The following NTRK3 variants were observed in gnomAD, a reference collection of about 807,000 sequenced individuals.
NTRK3 encodes NT-3 growth factor receptor.
In NTRK3, 24 loss-of-function variants were observed where a neutral mutation model predicts 91.7. The ratio of observed to expected loss-of-function variants is 0.26; its 90% confidence interval spans 0.19 to 0.37. The LOEUF (loss-of-function observed/expected upper bound fraction) is 0.37. Ranked by LOEUF, NTRK3 falls within the 10% of genes least tolerant of loss-of-function variation. NTRK3 has a pLI of 1.00. For missense variants in NTRK3, 880 were observed against 1,068.9 expected (o/e 0.82, Z 2.46); for synonymous variants, 483 against 404.0 (o/e 1.20, Z -2.34).
chr15:88,060,784 A>C (rs996320363), intron 13 of NTRK3, among the ~76,000 whole-genome samples: 3 of 152,180 alleles, frequency 2.0e-5, no homozygotes, highest in African/African-American at 7.2e-5. Context: ...ATCACCCAGG[A>C]AAGAAAAGAA....
chr15:87,975,420 G>C (rs1028794821), intron 14 of NTRK3, among the ~76,000 whole-genome samples: 17 of 152,176 alleles, frequency 1.1e-4, no homozygotes, highest in Admixed American at 2.6e-4. Context: ...AATCTGTGCA[G>C]CAAAATCCCG....
intron 3 of NTRK3, among the ~76,000 whole-genome samples, chr15:88,197,119 A>AAAC (rs2047904891): frequency 1.4e-5 from 2 of 143,070 alleles, no homozygotes; most frequent in Non-Finnish European, 3.0e-5. Context: ...AAAAAAAAAA[A>AAAC]AAAAAAAACC....
At chr15:88,060,552 G>A (rs571436576) in intron 13 of NTRK3, among the ~76,000 whole-genome samples, 1 of 152,210 alleles carries the variant, frequency 6.6e-6, no homozygotes, top group East Asian at 1.9e-4. Context: ...GGCAAGATAA[G>A]GGGGAGACAG....
intron 13 of NTRK3, among the ~76,000 whole-genome samples, chr15:88,106,579 T>A (rs1055319409): frequency 3.3e-5 from 5 of 151,680 alleles, no homozygotes; most frequent in African/African-American, 1.2e-4. Context: ...GTGAAAAAAA[T>A]AGGTCAAACA....
At chr15:87,887,012 T>G (rs2065593730) in intron 17 of NTRK3, among the ~76,000 whole-genome samples, 2 of 151,814 alleles carry the variant, frequency 1.3e-5, no homozygotes, top group Non-Finnish European at 2.9e-5. Flanking sequence ...TTGATGAAAA[T>G]TTTTCAATAA....
intron 3 of NTRK3, among the ~76,000 whole-genome samples, chr15:88,205,082 A>T (rs528833722): frequency 6.6e-6 from 1 of 152,346 alleles, no homozygotes; most frequent in African/African-American, 2.4e-5. Context: ...TTGGAGAGAA[A>T]GAAGAAAACA....
In NTRK3 at chr15:88,176,563, C is replaced by T. The variant is rs79652288; in HGVS notation, c.395+6855G>A. 2.7e-3 allele frequency among the ~76,000 whole-genome samples: 413 copies of T among 152,282 alleles called. 7 individuals are homozygous for T. In the East Asian group the frequency reaches 0.032, roughly 12 times the overall value. On this transcript the variant is annotated intron_variant, in intron 5 of 18. Coordinates refer to ENST00000394480, the Ensembl canonical transcript of NTRK3. ...ATGATGGGAGGAATGTCACACAGAG[C>T]GTACCAAGGCCCACATTCTAGTCCT... is the stretch of plus-strand genomic sequence containing the variant.
Position 88,234,858 on chromosome 15 carries a change from C to T in NTRK3, c.248+21048G>A, listed in dbSNP as rs1471909881. On this transcript the variant is annotated intron_variant, in intron 3 of 18. Coordinates refer to ENST00000394480, the Ensembl canonical transcript of NTRK3. This position sits in a 1 kb window ranked among gnomAD's most constrained non-coding sequence, Gnocchi z 6.1. The stretch of plus-strand genomic sequence containing the variant: ...TGCAGACCTCTCCAACCTCCCACTC[C>T]CACCAGCGCACCCTACTCAGCCCTG... 6.6e-6 allele frequency among the ~76,000 whole-genome samples: 1 copy of T among 152,166 alleles called. No homozygotes were observed. Among genetic ancestry groups the T allele is most frequent in the Non-Finnish European group, 1.5e-5 (1 of 68,028 alleles).
At chr15:88,236,931 C>G (rs1428943091) in intron 3 of NTRK3, among the ~76,000 whole-genome samples, 1 of 152,182 alleles carries the variant, frequency 6.6e-6, no homozygotes, top group Non-Finnish European at 1.5e-5. Context: ...CTGTCTCTCA[C>G]TGGGTTTGGG....
chr15:88,101,563 C>G (rs556459852), intron 13 of NTRK3, among the ~76,000 whole-genome samples: 1 of 152,322 alleles, frequency 6.6e-6, no homozygotes, highest in Non-Finnish European at 1.5e-5. Flanking sequence ...AAGACACATG[C>G]ACTCGTATGT....
chr15:88,182,961 A>G (rs1018263535), intron 5 of NTRK3, among the ~76,000 whole-genome samples: 4 of 151,912 alleles, frequency 2.6e-5, no homozygotes, highest in Non-Finnish European at 5.9e-5. Context: ...CTGAACCCAG[A>G]TCTATTTAGA....
chr15:87,969,025 C>T (rs1596459042), intron 14 of NTRK3, among the ~76,000 whole-genome samples: 1 of 151,914 alleles, frequency 6.6e-6, no homozygotes, highest in Non-Finnish European at 1.5e-5. Flanking sequence ...AGATGCTATC[C>T]CCCCACCCCC....
intron 3 of NTRK3, among the ~76,000 whole-genome samples, chr15:88,252,341 C>G (rs1049313368): frequency 6.6e-6 from 1 of 152,066 alleles, no homozygotes; most frequent in African/African-American, 2.4e-5. Flanking sequence ...GCCAAAGCCC[C>G]GAATGATCCT....
At chr15:88,180,487 A>G (rs2046356485) in intron 5 of NTRK3, among the ~76,000 whole-genome samples, 1 of 152,192 alleles carries the variant, frequency 6.6e-6, no homozygotes, top group South Asian at 2.1e-4. Context: ...CAACTTGGCC[A>G]AAACTTTGTC....
intron 13 of NTRK3, among the ~76,000 whole-genome samples, chr15:88,102,180 T>C (rs2050244254): frequency 6.6e-6 from 1 of 152,064 alleles, no homozygotes; most frequent in Admixed American, 6.6e-5. Context: ...TTATAGATGG[T>C]ACAGGAAGAA....
chr15:88,095,075 T>C (rs1227923892), intron 13 of NTRK3, among the ~76,000 whole-genome samples: 4 of 152,170 alleles, frequency 2.6e-5, no homozygotes, highest in Non-Finnish European at 5.9e-5. Flanking sequence ...ACAACACCTG[T>C]GATCGTGAGC....
At chr15:87,976,513 G>A (rs887954043) in intron 14 of NTRK3, among the ~76,000 whole-genome samples, 22 of 152,078 alleles carry the variant, frequency 1.4e-4, no homozygotes, top group African/African-American at 4.8e-4. Context: ...GCCTTTTCCC[G>A]GCCCGCATTC....
chr15:88,201,208 C>A (rs2048278056), intron 3 of NTRK3, among the ~76,000 whole-genome samples: 1 of 152,214 alleles, frequency 6.6e-6, no homozygotes, highest in African/African-American at 2.4e-5. Context: ...GGAGTGCTGG[C>A]TAGACTCTGG....
intron 13 of NTRK3, among the ~76,000 whole-genome samples, chr15:88,121,908 T>C (rs2349057): frequency 0.27 from 40,983 of 152,166 alleles, 5,975 homozygotes; most frequent in African/African-American, 0.35. Flanking sequence ...TGAGCTTGTG[T>C]CCCAAGGTGA....
Sources: gnomAD v4.1 joint callset for allele counts (sites outside exome capture counted in the v4.1 genomes callset) on GRCh38, gnomAD v4.1.1 for gene constraint, Gnocchi (gnomAD v3.1) non-coding constraint, MANE v1.5 for transcripts, NCBI Gene and HGNC (gene_info 2026-07-23, HGNC 2026-07-21) for gene names.